Variants in FOXJ3 observed in about 807,000 individuals in gnomAD.
The protein encoded by FOXJ3 is forkhead box J3, also known as forkhead box protein J3.
A neutral mutation model predicts 76.1 loss-of-function variants in FOXJ3; 22 were observed. The ratio of observed to expected loss-of-function variants is 0.29; its 90% CI spans 0.21 to 0.41. The LOEUF (loss-of-function observed/expected upper bound fraction) is 0.41, where lower values mean the gene tolerates loss of function less well. FOXJ3 is among the 10% of genes least tolerant of loss of function. The pLI, the probability that FOXJ3 is intolerant of heterozygous loss-of-function variation, is 1.00. For synonymous variants in FOXJ3, 269 were observed against 261.2 expected, an observed-to-expected ratio of 1.03 and a Z score of -0.29; for missense variants, 613 against 762.1, an observed-to-expected ratio of 0.80 and a Z score of 2.30.
intron 5 of FOXJ3, among the ~76,000 whole-genome samples, chr1:42,218,294 G>T (rs1306186003): frequency 2.0e-5 from 3 of 152,124 alleles, no homozygotes; most frequent in Non-Finnish European, 4.4e-5. Context: ...TCAGATACAT[G>T]TCCAGATGGA....
intron 4 of FOXJ3, among the ~76,000 whole-genome samples, chr1:42,259,009 T>C (rs564462927): frequency 6.6e-6 from 1 of 152,186 alleles, no homozygotes; most frequent in Non-Finnish European, 1.5e-5. Flanking sequence ...AACAAAAACA[T>C]GTCTTTCAAA....
intron 1 of FOXJ3, among the ~76,000 whole-genome samples, chr1:42,329,209 G>A (rs1390493858): frequency 1.3e-5 from 2 of 152,138 alleles, no homozygotes; most frequent in Non-Finnish European, 2.9e-5. Context: ...ACAACATCTG[G>A]TTCCATATAA....
chr1:42,236,201 G>A (rs1325769934), intron 4 of FOXJ3, among the ~76,000 whole-genome samples: 2 of 152,158 alleles, frequency 1.3e-5, no homozygotes, highest in Admixed American at 6.5e-5. Flanking sequence ...GCAAGGAAAG[G>A]GTGTTGAGGC....
intron 3 of FOXJ3, 54 bp from the exon 4 acceptor site, chr1:42,265,243 CA>C (rs1557685187): frequency 1.1e-6 from 1 of 913,324 alleles, no homozygotes; most frequent in East Asian, 2.6e-5. Context: ...AAACATAACC[CA>C]AATTTAAAAA....
At position 42,191,592 on chromosome 1, in the gene FOXJ3, G is replaced by A. The variant is rs1312717930; in HGVS notation, c.1062C>T (p.Gly354=). Reference sequence around the variant, plus strand: ...TACTGCCTGTGGTGTTGAGGCCACTGCCATGACTGTTGGACAGGCTGCTTT... The same window carrying A: ...TACTGCCTGTGGTGTTGAGGCCACTACCATGACTGTTGGACAGGCTGCTTT... ...SNQSSLSNSH[G]SGLNTTGSNS... The change falls in exon 9 of 13, where the codon GGC becomes GGT. Residue 354 remains glycine, a synonymous_variant. Coordinates refer to ENST00000361346, the MANE Select transcript of FOXJ3 (RefSeq NM_014947.5). 1.9e-6 allele frequency: 3 copies of A among 1,614,186 alleles called. No homozygotes were observed. The highest frequency in any genetic ancestry group is 1.1e-5 in the South Asian group (1 of 91,080).
chr1:42,327,818 T>C (rs1273422848), intron 1 of FOXJ3, among the ~76,000 whole-genome samples: 1 of 152,190 alleles, frequency 6.6e-6, no homozygotes, highest in African/African-American at 2.4e-5. Flanking sequence ...AGGAGGACTC[T>C]AGGTAGGAGA....
At chr1:42,198,381 C>T (rs1172707816) in intron 7 of FOXJ3, among the ~76,000 whole-genome samples, 1 of 152,092 alleles carries the variant, frequency 6.6e-6, no homozygotes, top group Admixed American at 6.6e-5. Flanking sequence ...ATATCTTTGT[C>T]CCGTGTAAGT....
intron 2 of FOXJ3, among the ~76,000 whole-genome samples, chr1:42,300,546 C>T (rs191898815): frequency 3.9e-5 from 6 of 152,174 alleles, no homozygotes; most frequent in East Asian, 1.9e-4. Context: ...GAGGCCAAGG[C>T]GGGTGGATCG....
intron 6 of FOXJ3, among the ~76,000 whole-genome samples, chr1:42,200,074 G>C (rs1646732654): frequency 6.7e-6 from 1 of 148,672 alleles, no homozygotes; most frequent in South Asian, 2.1e-4. Context: ...ATCACGAATA[G>C]GAGTTTTGAC....
intron 2 of FOXJ3, among the ~76,000 whole-genome samples, chr1:42,310,311 A>G (rs1287088187): frequency 1.3e-5 from 2 of 151,880 alleles, no homozygotes; most frequent in Admixed American, 6.6e-5. Flanking sequence ...ATGCCCAGCT[A>G]ATTTTTGTAT....
At chr1:42,216,581 C>T (rs1440128349) in intron 5 of FOXJ3, among the ~76,000 whole-genome samples, 2 of 151,476 alleles carry the variant, frequency 1.3e-5, no homozygotes, top group African/African-American at 4.8e-5. Flanking sequence ...TTATTTAAGG[C>T]AAAAGTTATA....
intron 2 of FOXJ3, among the ~76,000 whole-genome samples, chr1:42,284,459 A>G (rs1301878488): frequency 6.6e-6 from 1 of 152,226 alleles, no homozygotes. Context: ...GAGTTACAAG[A>G]AGAGACAGAG....
chr1:42,273,426 C>T (rs2124655146), intron 3 of FOXJ3, among the ~76,000 whole-genome samples: 1 of 152,210 alleles, frequency 6.6e-6, no homozygotes, highest in Admixed American at 6.5e-5. Flanking sequence ...GTAATACCAG[C>T]ACTTTGGGAG....
At chr1:42,279,600 C>T (rs1280244017) in intron 2 of FOXJ3, among the ~76,000 whole-genome samples, 1 of 152,016 alleles carries the variant, frequency 6.6e-6, no homozygotes, top group East Asian at 1.9e-4. Flanking sequence ...CACATATCCT[C>T]GAAAAGGGAG....
chr1:42,333,345 G>C (rs982304822), intron 1 of FOXJ3, among the ~76,000 whole-genome samples: 1 of 151,656 alleles, frequency 6.6e-6, no homozygotes, highest in Non-Finnish European at 1.5e-5. Context: ...GAAACATTAA[G>C]TTTTTTTATT....
intron 5 of FOXJ3, among the ~76,000 whole-genome samples, chr1:42,213,817 G>GAGAC (rs907190354): frequency 1.3e-5 from 2 of 152,160 alleles, no homozygotes; most frequent in African/African-American, 2.4e-5. Context: ...AGGCAAAGAG[G>GAGAC]AGACACTGGT....
intron 1 of FOXJ3, among the ~76,000 whole-genome samples, chr1:42,322,960 A>C (rs1196865151): frequency 6.6e-6 from 1 of 152,130 alleles, no homozygotes; most frequent in African/African-American, 2.4e-5. Context: ...TATAGAATTA[A>C]AAAATATCAC....
chr1:42,280,452 A>AAAAC (rs1652618866), intron 2 of FOXJ3: 2 of 966,934 alleles, frequency 2.1e-6, no homozygotes, highest in Admixed American at 1.2e-4. Context: ...AAAAAAAAAA[A>AAAAC]AAAAAAAAAA....
intron 5 of FOXJ3, among the ~76,000 whole-genome samples, chr1:42,217,104 T>A (rs1647085313): frequency 6.6e-6 from 1 of 152,222 alleles, no homozygotes; most frequent in East Asian, 1.9e-4. Flanking sequence ...GATGACACAA[T>A]TACTTATGAC....
Sources: gnomAD v4.1 joint callset for allele counts (sites outside exome capture counted in the v4.1 genomes callset) on GRCh38, gnomAD v4.1.1 for gene constraint, MANE v1.5 for transcripts, NCBI Gene and HGNC (gene_info 2026-07-23, HGNC 2026-07-21) for gene names.